The following EPB41L5 variants were observed in gnomAD, a reference collection of about 807,000 sequenced individuals.
The protein encoded by EPB41L5 is band 4.1-like protein 5.
EPB41L5 carries 55 observed loss-of-function variants against 106.6 expected under a neutral mutation model. The observed-to-expected ratio is 0.52, with a 90% CI of 0.42 to 0.65. The LOEUF (loss-of-function observed/expected upper bound fraction) is 0.65, where lower values mean the gene tolerates loss of function less well. Among genes scored for constraint, EPB41L5 ranks in the 30% least tolerant of loss-of-function variants. The probability of loss-of-function intolerance (pLI) is 0.00; values close to 1 mark genes in which losing one functional copy is unlikely to be tolerated. For synonymous variants in EPB41L5, 297 were observed against 306.7 expected, an observed-to-expected ratio of 0.97 and a Z score of 0.33; for missense variants, 871 against 882.1, an observed-to-expected ratio of 0.99 and a Z score of 0.16.
chr2:120,074,674 A>G (rs1316199140), intron 5 of EPB41L5, among the ~76,000 whole-genome samples: 1 of 152,088 alleles, frequency 6.6e-6, no homozygotes, highest in African/African-American at 2.4e-5. Context: ...CCTCCTTTGT[A>G]TTTATTCATG....
At chr2:120,172,625 A>G (rs1363625122) in intron 24 of EPB41L5, among the ~76,000 whole-genome samples, 1 of 152,226 alleles carries the variant, frequency 6.6e-6, no homozygotes, top group Non-Finnish European at 1.5e-5. Context: ...AGCCTTCCTC[A>G]GGAAGCTACT....
At chr2:120,110,681 C>G (rs531917549) in intron 16 of EPB41L5, among the ~76,000 whole-genome samples, 2 of 147,766 alleles carry the variant, frequency 1.4e-5, no homozygotes, top group Non-Finnish European at 3.0e-5. Flanking sequence ...CTTGCCGAGG[C>G]TGGAGTGCAA....
intron 3 of EPB41L5, among the ~76,000 whole-genome samples, chr2:120,050,065 A>T (rs1042563846): frequency 6.6e-6 from 1 of 152,154 alleles, no homozygotes; most frequent in Non-Finnish European, 1.5e-5. Context: ...CTTTGTGGGT[A>T]ACCTGACCTT....
Position 120,148,637 on chromosome 2 carries a change from A to G in EPB41L5, c.1793+2348A>G, listed in dbSNP as rs553148607. 7.9e-5 allele frequency among the ~76,000 whole-genome samples: 12 copies of G among 152,212 alleles called. No individual in the cohort carries two copies. The East Asian group carries it at 1.2e-3, about 15-fold the overall frequency. ...TGTCCTTTTGTGTCTGGCTTCTTAC[A>G]TTCAACGTAATATTTTCCAGATTTG... On this transcript the variant is annotated intron_variant, in intron 20 of 24. Transcript: ENST00000263713.
chr2:120,110,450 A>G (rs1684669767), intron 16 of EPB41L5, among the ~76,000 whole-genome samples: 2 of 152,188 alleles, frequency 1.3e-5, no homozygotes, highest in Admixed American at 1.3e-4. Flanking sequence ...CTCAGTTTAT[A>G]TCATCACCCT....
chr2:120,120,430 TC>T (rs1685161636), intron 16 of EPB41L5, among the ~76,000 whole-genome samples: 1 of 20,454 alleles, frequency 4.9e-5, no homozygotes, highest in Non-Finnish European at 1.1e-4. Flanking sequence ...ACACTCAATC[TC>T]AAAAAAAAAA....
At chr2:120,150,717 T>C (rs1051504220) in intron 20 of EPB41L5, among the ~76,000 whole-genome samples, 2 of 152,166 alleles carry the variant, frequency 1.3e-5, no homozygotes, top group African/African-American at 4.8e-5. Context: ...GTTTACTTTA[T>C]TGTTGAATTG....
intron 2 of EPB41L5, among the ~76,000 whole-genome samples, chr2:120,031,355 A>G (rs1044708534): frequency 9.8e-5 from 15 of 152,338 alleles, no homozygotes; most frequent in African/African-American, 2.6e-4. Flanking sequence ...GGTGGTAACA[A>G]TACCTTGATG....
chr2:120,050,574 G>GAC, intron 3 of EPB41L5, among the ~76,000 whole-genome samples: 1 of 152,194 alleles, frequency 6.6e-6, no homozygotes, highest in East Asian at 1.9e-4. Context: ...CTTTTTTCAA[G>GAC]GTTTTTAGCT....
At chr2:120,062,012 T>A (rs1246340315) in intron 3 of EPB41L5, among the ~76,000 whole-genome samples, 1 of 152,108 alleles carries the variant, frequency 6.6e-6, no homozygotes, top group Non-Finnish European at 1.5e-5. Flanking sequence ...TTTTTTGAGA[T>A]CCCTAGATTA....
At chr2:120,034,623 A>G (rs1278409403) in intron 2 of EPB41L5, among the ~76,000 whole-genome samples, 1 of 152,088 alleles carries the variant, frequency 6.6e-6, no homozygotes, top group Non-Finnish European at 1.5e-5. Context: ...GCACTTTGGG[A>G]GGCTGAGGCA....
At chr2:120,169,328 C>T (rs889311218) in intron 24 of EPB41L5, among the ~76,000 whole-genome samples, 2 of 152,190 alleles carry the variant, frequency 1.3e-5, no homozygotes, top group African/African-American at 4.8e-5. Flanking sequence ...CCATACCATT[C>T]ACAAAAATCC....
chr2:120,141,866 T>A (rs552663779), intron 18 of EPB41L5, among the ~76,000 whole-genome samples: 2 of 152,190 alleles, frequency 1.3e-5, no homozygotes, highest in Admixed American at 6.5e-5. Context: ...ATGTTAGAGG[T>A]ATGCAGATTT....
chr2:120,030,896 GAC>G (rs1678662550), intron 2 of EPB41L5, among the ~76,000 whole-genome samples: 2 of 149,822 alleles, frequency 1.3e-5, no homozygotes, highest in South Asian at 4.2e-4. Flanking sequence ...TTTATTTAGA[GAC>G]AGAGTTTCGC....
chr2:120,088,228 T>C (rs1355917551), intron 11 of EPB41L5, among the ~76,000 whole-genome samples: 1 of 152,178 alleles, frequency 6.6e-6, no homozygotes, highest in Non-Finnish European at 1.5e-5. Context: ...TTTCCTGTTT[T>C]AAACACACAA....
intron 24 of EPB41L5, among the ~76,000 whole-genome samples, chr2:120,171,871 G>GAAAT (rs148307466): frequency 0.011 from 1,747 of 152,056 alleles, 17 homozygotes; most frequent in Middle Eastern, 0.024. Context: ...GAAAAACAAG[G>GAAAT]AAATAAAGGC....
chr2:120,126,993 T>A (rs1685484141), intron 16 of EPB41L5, among the ~76,000 whole-genome samples: 1 of 152,178 alleles, frequency 6.6e-6, no homozygotes, highest in South Asian at 2.1e-4. Flanking sequence ...TTCCTAAGTT[T>A]CTATCCCTTT....
At position 120,095,143 on chromosome 2, in the gene EPB41L5, A is replaced by G. The variant is rs899542480; in HGVS notation, c.1178+1867A>G. 5.9e-5 allele frequency among the ~76,000 whole-genome samples: 9 copies of G among 152,080 alleles called. No homozygotes were observed. In the South Asian group the frequency reaches 1.7e-3, roughly 28 times the overall value. On this transcript the variant is annotated intron_variant, in intron 14 of 24. Transcript: ENST00000263713. ...GAGTGGAGTATTGTAGTCTACAACT[A>G]TTGTCTATTTCTTCCTTCAGTTCTT...
chr2:120,172,782 G>T (rs1202803686), intron 24 of EPB41L5, among the ~76,000 whole-genome samples: 1 of 152,110 alleles, frequency 6.6e-6, no homozygotes, highest in Non-Finnish European at 1.5e-5. Flanking sequence ...TGCCCAGTGG[G>T]TCTAGAAAGG....
Sources: gnomAD v4.1 joint callset for allele counts (sites outside exome capture counted in the v4.1 genomes callset) on GRCh38, gnomAD v4.1.1 for gene constraint, MANE v1.5 for transcripts, NCBI Gene and HGNC (gene_info 2026-07-23, HGNC 2026-07-21) for gene names.